The following TMED5 variants were observed in gnomAD, a reference collection of about 807,000 sequenced individuals.
TMED5 encodes transmembrane p24 trafficking protein 5, also known as transmembrane emp24 domain-containing protein 5.
Under a neutral mutation model 23.0 loss-of-function variants are expected in TMED5, and 27 were observed. That is an observed-to-expected ratio of 1.17 (90% CI 0.86 to 1.62). The LOEUF (loss-of-function observed/expected upper bound fraction) is 1.62. Among genes scored for constraint, TMED5 ranks in the 40% most tolerant of loss-of-function variants. The pLI is 0.00. For synonymous variants in TMED5, 97 were observed against 100.8 expected, an observed-to-expected ratio of 0.96 and a Z score of 0.23; for missense variants, 248 against 273.7, an observed-to-expected ratio of 0.91 and a Z score of 0.66.
intron 3 of TMED5, 163 bp downstream of exon 3, chr1:93,156,137 A>G: frequency 8.6e-7 from 1 of 1,158,796 alleles, no homozygotes; most frequent in Non-Finnish European, 1.2e-6. Context: ...ATATAAAATA[A>G]AATTAAGCTG....
chr1:93,155,009 C>T, intron 3 of TMED5, 121 bp from the exon 4 acceptor site: 1 of 690,830 alleles, frequency 1.4e-6, no homozygotes, highest in Admixed American at 2.8e-5. Flanking sequence ...GAGACTAGGG[C>T]AGGAGGACCC....
At chr1:93,169,127 CA>C (rs1648608868) in intron 1 of TMED5, among the ~76,000 whole-genome samples, 1 of 152,132 alleles carries the variant, frequency 6.6e-6, no homozygotes, top group Non-Finnish European at 1.5e-5. Context: ...CTAATCAATC[CA>C]ATGATGGCAG....
At chr1:93,169,595 A>AG (rs1300471879) in intron 1 of TMED5, among the ~76,000 whole-genome samples, 1 of 308 alleles carries the variant, frequency 3.2e-3, no homozygotes, top group African/African-American at 3.5e-3. Flanking sequence ...ATCAACGCAG[A>AG]AAAAAAAAAA....
At chr1:93,168,869 A>G (rs1648597923) in intron 1 of TMED5, among the ~76,000 whole-genome samples, 2 of 152,184 alleles carry the variant, frequency 1.3e-5, no homozygotes, top group African/African-American at 4.8e-5. Context: ...GGCATTACCT[A>G]TAATAAATGG....
At position 93,152,042 on chromosome 1, in the gene TMED5, T is replaced by C. The variant is rs1191649438; in HGVS notation, c.*2628A>G. On this transcript the variant is annotated 3_prime_UTR_variant, in exon 4 of 4. Transcript: ENST00000370282. ...TAAAGAATTTTCATTTGAGGAGACATACAATTGTAAGTGCTCATTTTTTGT... is the reference window on the plus strand; with the variant it reads ...TAAAGAATTTTCATTTGAGGAGACACACAATTGTAAGTGCTCATTTTTTGT... The C allele has an allele frequency of 6.6e-6, 1 of 152,638 alleles. No homozygotes were observed. Among genetic ancestry groups the C allele is most frequent in the Non-Finnish European group, 1.5e-5 (1 of 68,032 alleles). 9.5% of individuals were successfully genotyped at this position (152,638 alleles called of 1,614,324 possible).
rs539214056 is a variant in TMED5, at chr1:93,173,094, G to A, written c.189+6960C>T. ...GGAATAGGGAGCTGTTGATCACAGA[G>A]TACAAAGTTTCTGATAGACAGAAGG... On this transcript the variant is annotated intron_variant, in intron 1 of 3. Transcript: ENST00000370282. Among the ~76,000 whole-genome samples, 5 of 151,622 alleles carry A rather than the reference G, an allele frequency of 3.3e-5. No homozygotes were observed. In the South Asian group the frequency reaches 8.3e-4, roughly 25 times the overall value.
chr1:93,158,118 G>A (rs1350683334), intron 2 of TMED5, among the ~76,000 whole-genome samples: 18 of 119,166 alleles, frequency 1.5e-4, no homozygotes, highest in Admixed American at 1.4e-3. Flanking sequence ...GTGAGACTCC[G>A]TCTCAAAAAA....
chr1:93,162,670 G>A (rs181759822), intron 1 of TMED5: 2 of 152,202 alleles, frequency 1.3e-5, no homozygotes, highest in Non-Finnish European at 2.9e-5. Context: ...CAGACAGAAA[G>A]GATCTAATAA....
At chr1:93,157,774 T>G (rs1261190295) in intron 2 of TMED5, among the ~76,000 whole-genome samples, 3 of 152,210 alleles carry the variant, frequency 2.0e-5, no homozygotes, top group African/African-American at 7.2e-5. Context: ...CTCAGATGTT[T>G]GCTGCTCTTA....
At chr1:93,175,316 T>TATACACAC (rs1553160172) in intron 1 of TMED5, among the ~76,000 whole-genome samples, 1 of 129,088 alleles carries the variant, frequency 7.7e-6, no homozygotes, top group African/African-American at 3.0e-5. Context: ...TATATATATA[T>TATACACAC]ACACACACAC....
Position 93,180,350 on chromosome 1 carries a change from G to A in TMED5, c.-108C>T, listed in dbSNP as rs1194346688. Reference sequence around the variant, plus strand: ...TTGACAGGGAAATCTGGAGTCTGAAGAAACTCCAGGTGGCGGCCGCGGCGG... The same window carrying A: ...TTGACAGGGAAATCTGGAGTCTGAAAAAACTCCAGGTGGCGGCCGCGGCGG... On this transcript the variant is annotated 5_prime_UTR_variant, in exon 1 of 4. Transcript: ENST00000370282. The A allele has an allele frequency of 3.7e-6, 5 of 1,366,986 alleles. No individual in the cohort carries two copies. The highest frequency in any genetic ancestry group is 2.9e-5 in the Admixed American group (1 of 34,722). 84.7% of individuals were successfully genotyped at this position (1,366,986 alleles called of 1,614,324 possible). A position where few individuals can be genotyped will look rare whatever the true frequency, so the allele number is the denominator to read the frequency against.
chr1:93,150,373 C>T lies in TMED5; in HGVS notation c.*4297G>A, dbSNP rs1647827348. 6.6e-6 allele frequency: 1 copy of T among 152,180 alleles called. No individual in the cohort carries two copies. Among genetic ancestry groups the T allele is most frequent in the African/African-American group, 2.4e-5 (1 of 41,440 alleles). 9.4% of individuals were successfully genotyped at this position (152,180 alleles called of 1,614,324 possible). A position where few individuals can be genotyped will look rare whatever the true frequency, so the allele number is the denominator to read the frequency against. On this transcript the variant is annotated 3_prime_UTR_variant, in exon 4 of 4. Transcript: ENST00000370282. ...TAAACCATTCACTCTTTTTGAAGGA[C>T]ATCCAGGTTGTTTCCGGGTTTTGGC...
At chr1:93,163,981 C>CAAAAAAAAAAAAAAA (rs564350861) in intron 1 of TMED5, among the ~76,000 whole-genome samples, 1 of 56,510 alleles carries the variant, frequency 1.8e-5, no homozygotes. Context: ...GACTCCATCT[C>CAAAAAAAAAAAAAAA]AAAAAAAAAA....
rs1341727497 is a variant in TMED5, at chr1:93,151,068, G to A, written c.*3602C>T. 6.6e-6 allele frequency: 1 copy of A among 152,164 alleles called. No individual in the cohort carries two copies. Among genetic ancestry groups the A allele is most frequent in the South Asian group, 2.1e-4 (1 of 4,826 alleles). The allele number at this position is 152,164 out of a possible 1,614,324, so 9.4% of individuals were successfully genotyped here. On this transcript the variant is annotated 3_prime_UTR_variant, in exon 4 of 4. Transcript: ENST00000370282. Reference sequence around the variant, plus strand: ...ATTTTCTTGCCTTTTTCTTTCAGATGCAGGGATCCAGAGTCCATCTCCATT... The same window carrying A: ...ATTTTCTTGCCTTTTTCTTTCAGATACAGGGATCCAGAGTCCATCTCCATT...
intron 1 of TMED5, among the ~76,000 whole-genome samples, chr1:93,170,716 T>G (rs1648695484): frequency 6.6e-6 from 1 of 152,302 alleles, no homozygotes; most frequent in East Asian, 1.9e-4. Flanking sequence ...ACTTGGAGAA[T>G]CTTTATGTCT....
intron 1 of TMED5, among the ~76,000 whole-genome samples, chr1:93,177,460 C>CT (rs1648955661): frequency 6.6e-6 from 1 of 151,632 alleles, no homozygotes; most frequent in African/African-American, 2.4e-5. Context: ...TGCCTGTAAT[C>CT]CAGCTACTCG....
At chr1:93,155,474 G>A (rs1264176270) in intron 3 of TMED5, among the ~76,000 whole-genome samples, 3 of 151,626 alleles carry the variant, frequency 2.0e-5, no homozygotes, top group Non-Finnish European at 4.4e-5. Context: ...ATAGCATCAG[G>A]AGTTTTACGT....
intron 1 of TMED5, among the ~76,000 whole-genome samples, chr1:93,175,200 T>TATATATATATAA (rs1491197514): frequency 8.1e-6 from 1 of 124,010 alleles, no homozygotes; most frequent in African/African-American, 2.9e-5. Context: ...TATATATATA[T>TATATATATATAA]AAATGGACCT....
intron 1 of TMED5, among the ~76,000 whole-genome samples, chr1:93,166,745 G>A (rs1275121653): frequency 6.6e-6 from 1 of 152,048 alleles, no homozygotes; most frequent in African/African-American, 2.4e-5. Context: ...TTCCTTTGCT[G>A]AGCAGAAGCT....
Sources: gnomAD v4.1 joint callset for allele counts (sites outside exome capture counted in the v4.1 genomes callset) on GRCh38, gnomAD v4.1.1 for gene constraint, MANE v1.5 for transcripts, NCBI Gene and HGNC (gene_info 2026-07-23, HGNC 2026-07-21) for gene names.